GFPT2: variants seen among roughly 807,000 people sequenced by gnomAD.
The protein encoded by GFPT2 is glutamine--fructose-6-phosphate aminotransferase [isomerizing] 2.
Under a neutral mutation model 85.6 loss-of-function variants are expected in GFPT2, and 62 were observed. The observed-to-expected ratio is 0.72, with a 90% CI of 0.59 to 0.90. The LOEUF is 0.90. Among genes scored for constraint, GFPT2 ranks in the 40% least tolerant of loss-of-function variants. The probability of loss-of-function intolerance (pLI) is 0.00; values close to 1 mark genes in which losing one functional copy is unlikely to be tolerated. For synonymous variants in GFPT2, 368 were observed against 344.5 expected (o/e 1.07, Z -0.75); for missense variants, 788 against 893.4 (o/e 0.88, Z 1.50).
intron 4 of GFPT2, 59 bp downstream of exon 4, chr5:180,335,769 G>C (rs1764380790): frequency 6.4e-7 from 1 of 1,551,110 alleles, no homozygotes; most frequent in African/African-American, 1.4e-5. Flanking sequence ...GGCGGGCACT[G>C]GCCCTGACAC....
intron 4 of GFPT2, among the ~76,000 whole-genome samples, chr5:180,335,131 C>T (rs772687392): frequency 4.6e-5 from 7 of 152,236 alleles, no homozygotes; most frequent in South Asian, 4.1e-4. Context: ...GGTGCTCCAA[C>T]GTGCTGTCAG....
chr5:180,320,249 C>T lies in GFPT2; in HGVS notation c.795-1293G>A, dbSNP rs549390241. Among the ~76,000 whole-genome samples the T allele has an allele frequency of 1.4e-3, 218 of 152,182 alleles. 2 individuals are homozygous for T. The highest frequency in any genetic ancestry group is 4.8e-3 in the African/African-American group (198 of 41,540). ...CCTCGTGATCCGCCCGCCTCGGCCT[C>T]CCAAAGTGCTGGGATTACAGGTGTG... On this transcript the variant is annotated intron_variant, in intron 9 of 18. Transcript: ENST00000253778.
chr5:180,349,986 T>C lies in GFPT2; in HGVS notation c.7+3225A>G, dbSNP rs370322954. On this transcript the variant is annotated intron_variant, in intron 1 of 18. Coordinates refer to ENST00000253778, the MANE Select transcript of GFPT2 (RefSeq NM_005110.4). The stretch of plus-strand genomic sequence containing the variant: ...GCAAATCCTTCCTGCCAAATCCCCA[T>C]GCATGCCTGGTCCATGCTGCCACAC... 4.0e-4 allele frequency among the ~76,000 whole-genome samples: 61 copies of C among 152,034 alleles called. No individual in the cohort carries two copies. In the East Asian group the frequency reaches 4.1e-3, roughly 10 times the overall value.
chr5:180,304,620 T>C (rs1581365333), intron 17 of GFPT2, 152 bp downstream of exon 17: 1 of 719,094 alleles, frequency 1.4e-6, no homozygotes, highest in Non-Finnish European at 2.4e-6. Context: ...TCCAAGTGTG[T>C]GCACTCCCCA....
chr5:180,322,728 C>CT (rs199801570), intron 9 of GFPT2, among the ~76,000 whole-genome samples: 1,664 of 151,878 alleles, frequency 0.011, 24 homozygotes, highest in African/African-American at 0.037. Flanking sequence ...GCATTCATGC[C>CT]TTTTTTTTAA....
At position 180,319,017 on chromosome 5, in the gene GFPT2, C is replaced by T. The variant is rs1764068549; in HGVS notation, c.795-61G>A. The T allele has an allele frequency of 2.6e-6, 4 of 1,537,152 alleles. 1 individual carries two copies. Among genetic ancestry groups the T allele is most frequent in the South Asian group, 2.3e-5 (2 of 88,408 alleles). On this transcript the variant is annotated intron_variant, in intron 9 of 18. Transcript: ENST00000253778. ...CCCTGAGCAGTTACGAGGCAGCAGC[C>T]CCTTGCTGGTTCCCAAGCGTGGAGG...
intron 1 of GFPT2, among the ~76,000 whole-genome samples, chr5:180,346,799 T>C (rs752477120): frequency 6.6e-6 from 1 of 152,240 alleles, no homozygotes; most frequent in Non-Finnish European, 1.5e-5. Flanking sequence ...TGTCACTTTC[T>C]ACCTTGATCT....
chr5:180,338,668 G>T (rs1378382263), intron 1 of GFPT2, 68 bp from the exon 2 acceptor site: 2 of 937,002 alleles, frequency 2.1e-6, no homozygotes, highest in East Asian at 2.6e-5. Flanking sequence ...AAACGCTTCT[G>T]GGGGATGCAC....
intron 14 of GFPT2, among the ~76,000 whole-genome samples, chr5:180,313,490 T>G (rs1763936595): frequency 6.6e-6 from 1 of 150,430 alleles, no homozygotes; most frequent in African/African-American, 2.4e-5. Context: ...CTCGGGAGGC[T>G]GAGGCAGGAG....
Position 180,313,894 on chromosome 5 carries a change from G to C in GFPT2, c.1344C>G (p.Thr448=). Residue 448 remains threonine, a synonymous_variant, in exon 14 of 19, where the codon ACC becomes ACG. Coordinates refer to ENST00000253778, the MANE Select transcript of GFPT2 (RefSeq NM_005110.4). ...KDRGALTVGV[T]NTVGSSISRE... ...GAGAGATGGAGCTGCCCACGGTGTT[G>C]GTGACGCCCACGGTGAGAGCGCCGC... 6.2e-7 allele frequency: 1 copy of C among 1,607,116 alleles called. No individual in the cohort carries two copies. Among genetic ancestry groups the C allele is most frequent in the Non-Finnish European group, 8.5e-7 (1 of 1,179,404 alleles).
intron 4 of GFPT2, 150 bp from the exon 5 acceptor site, chr5:180,331,703 T>C (rs1158366777): frequency 9.0e-6 from 6 of 663,964 alleles, no homozygotes; most frequent in Admixed American, 7.2e-5. Context: ...TTAGCACAGA[T>C]GTTTACGGCA....
In GFPT2 at chr5:180,318,913, C is replaced by T. The variant is rs893144317; in HGVS notation, c.838G>A (p.Asp280Asn). ...HTNRVIFLED[D>N]DIAAVADGKL... ...CCATCAGCCACTGCGGCGATGTCAT[C>T]GTCCTCCAGGAAGATGACCCGGTTG... Residue 280 changes from aspartate (D) to asparagine (N), a missense_variant, in exon 10 of 19, where the codon GAT (aspartate) becomes AAT (asparagine). Physicochemically the swap from Asp to Asn is conservative, Grantham distance 23. Transcript: ENST00000253778. The surrounding 1 kb of genome is among the most constrained non-coding windows in gnomAD (Gnocchi z 4.2). 2.4e-5 allele frequency: 38 copies of T among 1,613,608 alleles called. No individual in the cohort carries two copies. Among genetic ancestry groups the T allele is most frequent in the Non-Finnish European group, 3.2e-5 (38 of 1,180,024 alleles).
chr5:180,311,881 A>G (rs535894555), intron 15 of GFPT2, among the ~76,000 whole-genome samples: 1 of 152,194 alleles, frequency 6.6e-6, no homozygotes, highest in African/African-American at 2.4e-5. Flanking sequence ...CAGAGCAGGA[A>G]GAAGATGGTT....
chr5:180,328,018 C>G lies in GFPT2; in HGVS notation c.596+259G>C, dbSNP rs919696232. ...TTTTATTTATAACTGGAATTTGTTG[C>G]CCACCTCTAAAAATCTGTGGAGATT... is the stretch of plus-strand genomic sequence containing the variant. On this transcript the variant is annotated intron_variant, in intron 7 of 18. Transcript: ENST00000253778. The surrounding 1 kb of genome is among the most constrained non-coding windows in gnomAD (Gnocchi z 5.4). 1.1e-4 allele frequency among the ~76,000 whole-genome samples: 16 copies of G among 152,032 alleles called. No individual in the cohort carries two copies. The highest frequency in any genetic ancestry group is 3.6e-4 in the African/African-American group (15 of 41,380).
At chr5:180,341,855 C>A (rs907569702) in intron 1 of GFPT2, among the ~76,000 whole-genome samples, 5 of 152,126 alleles carry the variant, frequency 3.3e-5, no homozygotes, top group African/African-American at 1.2e-4. Context: ...CACACGACAG[C>A]CCCCAAACAT....
intron 8 of GFPT2, chr5:180,324,530 A>G: frequency 1.7e-6 from 1 of 584,280 alleles, no homozygotes; most frequent in South Asian, 2.2e-5. Flanking sequence ...AACAAACCAA[A>G]GAAGCACTCA....
At chr5:180,337,454 A>G (rs928653980) in intron 2 of GFPT2, among the ~76,000 whole-genome samples, 19 of 98,826 alleles carry the variant, frequency 1.9e-4, no homozygotes, top group Admixed American at 4.7e-4. Flanking sequence ...CTCCATCTCG[A>G]AAAAAAAAAA....
Position 180,318,347 on chromosome 5 carries a change from C to A in GFPT2, c.958+446G>T, listed in dbSNP as rs12654592. On this transcript the variant is annotated intron_variant, in intron 10 of 18. Transcript: ENST00000253778. This position sits in a 1 kb window ranked among gnomAD's most constrained non-coding sequence, Gnocchi z 4.2. Reference sequence around the variant, plus strand: ...ACAGGGGCTGATTCATGTTCTTAGACGTTTGCTCAGGCTGCCCTGTGGGGT... The same window carrying A: ...ACAGGGGCTGATTCATGTTCTTAGAAGTTTGCTCAGGCTGCCCTGTGGGGT... Among the ~76,000 whole-genome samples, 6,237 of 152,164 alleles carry A rather than the reference C, an allele frequency of 0.041. 310 individuals carry two copies. Among genetic ancestry groups the A allele is most frequent in the African/African-American group, 0.11 (4,555 of 41,472 alleles).
In GFPT2 at chr5:180,339,749, T is replaced by TG. The variant is rs1321035274; in HGVS notation, c.8-1150dup. 4.6e-5 allele frequency among the ~76,000 whole-genome samples: 7 copies of TG among 152,204 alleles called. No individual in the cohort carries two copies. In the East Asian group the frequency reaches 1.2e-3, roughly 25 times the overall value. Reference sequence around the variant, plus strand: ...CTCCAGCCCCCGCCCTGGGCAGGTGTGCTCCTGGCTCTGGCCACCTCAGTG... The same window carrying TG: ...CTCCAGCCCCCGCCCTGGGCAGGTGTGGCTCCTGGCTCTGGCCACCTCAGTG... On this transcript the variant is annotated intron_variant, in intron 1 of 18. Coordinates refer to ENST00000253778, the MANE Select transcript of GFPT2 (RefSeq NM_005110.4).
Sources: gnomAD v4.1 joint callset for allele counts (sites outside exome capture counted in the v4.1 genomes callset) on GRCh38, gnomAD v4.1.1 for gene constraint, Gnocchi (gnomAD v3.1) non-coding constraint, MANE v1.5 for transcripts, NCBI Gene and HGNC (gene_info 2026-07-23, HGNC 2026-07-21) for gene names.